The following EPHA5 variants were observed in gnomAD, a reference collection of about 807,000 sequenced individuals.
EPHA5 encodes EPH receptor A5.
A neutral mutation model predicts 105.0 loss-of-function variants in EPHA5; 60 were observed. The ratio of observed to expected loss-of-function variants is 0.57; its 90% CI spans 0.46 to 0.71. EPHA5 has a LOEUF of 0.71. EPHA5 is among the 30% of genes least tolerant of loss of function. The pLI, the probability that EPHA5 is intolerant of heterozygous loss-of-function variation, is 0.00. For synonymous variants in EPHA5, 513 were observed against 449.1 expected (o/e 1.14, Z -1.80); for missense variants, 1,218 against 1,274.7 (o/e 0.96, Z 0.68).
At chr4:65,606,473 A>G (rs1744239287) in intron 2 of EPHA5, among the ~76,000 whole-genome samples, 1 of 152,202 alleles carries the variant, frequency 6.6e-6, no homozygotes, top group Non-Finnish European at 1.5e-5. Context: ...TTATAAGAGC[A>G]AATTAGAAAG....
chr4:65,653,218 T>G (rs913995783), intron 1 of EPHA5, among the ~76,000 whole-genome samples: 2 of 152,060 alleles, frequency 1.3e-5, no homozygotes, highest in African/African-American at 4.8e-5. Flanking sequence ...TTTAAAGTGA[T>G]GGCACATACC....
intron 11 of EPHA5, among the ~76,000 whole-genome samples, chr4:65,362,055 G>T (rs902766164): frequency 4.6e-5 from 7 of 151,538 alleles, no homozygotes; most frequent in African/African-American, 1.7e-4. Context: ...ATTAAGCCAA[G>T]AACTGTGGGC....
chr4:65,520,426 A>C (rs530206049), intron 3 of EPHA5, among the ~76,000 whole-genome samples: 1 of 152,230 alleles, frequency 6.6e-6, no homozygotes, highest in Non-Finnish European at 1.5e-5. Context: ...TAAAAACCCT[A>C]GAAGAAAACC....
At chr4:65,525,450 T>C (rs1262460089) in intron 3 of EPHA5, among the ~76,000 whole-genome samples, 1 of 151,836 alleles carries the variant, frequency 6.6e-6, no homozygotes, top group Non-Finnish European at 1.5e-5. Context: ...CAATGTATTT[T>C]TTTCCCCTGT....
intron 3 of EPHA5, chr4:65,574,374 A>G (rs1055837279): frequency 8.0e-6 from 7 of 880,156 alleles, no homozygotes; most frequent in Non-Finnish European, 1.1e-5. Context: ...AAAAAAAATA[A>G]TAATAATAAA....
intron 3 of EPHA5, among the ~76,000 whole-genome samples, chr4:65,547,773 G>T (rs1030962319): frequency 1.3e-5 from 2 of 151,940 alleles, no homozygotes; most frequent in Non-Finnish European, 2.9e-5. Context: ...TTTGAATCCA[G>T]GGCCACTCAA....
rs374038402 is a variant in EPHA5 at position 65,481,018 on chromosome 4, T to C, written c.1402+9359A>G. Among the ~76,000 whole-genome samples, 9 of 152,304 alleles carry C rather than the reference T, an allele frequency of 5.9e-5. 1 individual carries two copies. The highest frequency in any genetic ancestry group is 1.9e-4 in the East Asian group (1 of 5,182). ...TAAAGAATGGCAATCTGACAACTTC[T>C]GGCATATAGGGGCATGCAGCTCATT... is the stretch of plus-strand genomic sequence containing the variant. On this transcript the variant is annotated intron_variant, in intron 5 of 16. Transcript: ENST00000613740.
chr4:65,456,852 T>C (rs1323477304), intron 5 of EPHA5, among the ~76,000 whole-genome samples: 1 of 152,158 alleles, frequency 6.6e-6, no homozygotes, highest in Non-Finnish European at 1.5e-5. Flanking sequence ...AGTAAGTTGA[T>C]ATACTTGAAT....
chr4:65,361,180 C>A (rs1284451866), intron 11 of EPHA5, among the ~76,000 whole-genome samples: 3 of 151,542 alleles, frequency 2.0e-5, no homozygotes, highest in Non-Finnish European at 3.0e-5. Flanking sequence ...AGCTATTCAA[C>A]ATAATTGAAG....
rs564950483 is a variant in EPHA5, at chr4:65,549,258, C to A, written c.910+52383G>T. On this transcript the variant is annotated intron_variant, in intron 3 of 16. Coordinates refer to ENST00000613740, the MANE Select transcript of EPHA5 (RefSeq NM_001281766.3). ...TCCTGAAAGAAAATAACTGGCAACA[C>A]AGAGCTGATCAAAAGCATCCTTAAG... Among the ~76,000 whole-genome samples, 5 of 152,172 alleles carry A rather than the reference C, an allele frequency of 3.3e-5. No homozygotes were observed. In the East Asian group the frequency reaches 9.7e-4, roughly 29 times the overall value.
intron 2 of EPHA5, among the ~76,000 whole-genome samples, chr4:65,623,004 T>G (rs1745839067): frequency 6.6e-6 from 1 of 152,128 alleles, no homozygotes; most frequent in South Asian, 2.1e-4. Flanking sequence ...ATAACAATTT[T>G]TATCAACTGA....
chr4:65,397,470 G>A (rs79479530), intron 8 of EPHA5, among the ~76,000 whole-genome samples: 15,744 of 152,080 alleles, frequency 0.1, 966 homozygotes, highest in East Asian at 0.16. Flanking sequence ...GAACTCCCAA[G>A]GGATTATCTA....
chr4:65,390,212 C>A (rs975847147), intron 8 of EPHA5, among the ~76,000 whole-genome samples: 7 of 151,936 alleles, frequency 4.6e-5, no homozygotes, highest in Admixed American at 6.6e-5. Flanking sequence ...GCAAACTAAC[C>A]AATCTGGAGC....
chr4:65,361,488 C>A (rs1398615076), intron 11 of EPHA5, among the ~76,000 whole-genome samples: 1 of 151,430 alleles, frequency 6.6e-6, no homozygotes, highest in African/African-American at 2.4e-5. Context: ...GATTTGAGGG[C>A]AATGTGTATG....
At chr4:65,564,126 T>C (rs1180145661) in intron 3 of EPHA5, among the ~76,000 whole-genome samples, 1 of 151,950 alleles carries the variant, frequency 6.6e-6, no homozygotes, top group Non-Finnish European at 1.5e-5. Context: ...TACTTGTGCA[T>C]ACATATTTCA....
Position 65,328,441 on chromosome 4 carries a change from G to T in EPHA5, c.2945+3532C>A, listed in dbSNP as rs1482295814. Reference sequence around the variant, plus strand: ...TTGGAACCAACTCTTAATTATTCAGGCTTAAATTAATCTATCTACAGATGA... The same window carrying T: ...TTGGAACCAACTCTTAATTATTCAGTCTTAAATTAATCTATCTACAGATGA... On this transcript the variant is annotated intron_variant, in intron 16 of 16. Coordinates refer to ENST00000613740, the MANE Select transcript of EPHA5 (RefSeq NM_001281766.3). Among the ~76,000 whole-genome samples, 3 of 151,012 alleles carry T rather than the reference G, an allele frequency of 2.0e-5. 1 individual carries two copies. The highest frequency in any genetic ancestry group is 4.2e-4 in the South Asian group (2 of 4,812).
intron 3 of EPHA5, among the ~76,000 whole-genome samples, chr4:65,554,142 C>T (rs1738177670): frequency 6.7e-6 from 1 of 150,054 alleles, no homozygotes; most frequent in African/African-American, 2.4e-5. Context: ...TTGAAGAGTC[C>T]AAGCAAGTAA....
chr4:65,589,937 T>A (rs557370890), intron 3 of EPHA5, among the ~76,000 whole-genome samples: 12 of 152,336 alleles, frequency 7.9e-5, no homozygotes, highest in African/African-American at 2.6e-4. Flanking sequence ...TTTTTTATTT[T>A]ATTTTAGATA....
intron 2 of EPHA5, among the ~76,000 whole-genome samples, chr4:65,612,598 A>G (rs969082442): frequency 2.0e-5 from 3 of 152,228 alleles, no homozygotes; most frequent in African/African-American, 7.2e-5. Flanking sequence ...TTAATTCTAT[A>G]TCTCTGCTAT....
Sources: gnomAD v4.1 joint callset for allele counts (sites outside exome capture counted in the v4.1 genomes callset) on GRCh38, gnomAD v4.1.1 for gene constraint, MANE v1.5 for transcripts, NCBI Gene and HGNC (gene_info 2026-07-23, HGNC 2026-07-21) for gene names.